PICALM: variants seen among roughly 807,000 people sequenced by gnomAD.
PICALM encodes phosphatidylinositol-binding clathrin assembly protein.
A neutral mutation model predicts 80.5 loss-of-function variants in PICALM; 40 were observed. The ratio of observed to expected loss-of-function variants is 0.50; its 90% CI spans 0.39 to 0.65. The LOEUF is 0.65. PICALM is among the 30% of genes least tolerant of loss of function. PICALM has a pLI of 0.00. For synonymous variants in PICALM, 288 were observed against 260.3 expected (o/e 1.11, Z -1.02); for missense variants, 676 against 778.9 (o/e 0.87, Z 1.57).
At chr11:85,970,410 T>C (rs1253464242) in intron 19 of PICALM, among the ~76,000 whole-genome samples, 1 of 152,238 alleles carries the variant, frequency 6.6e-6, no homozygotes, top group Non-Finnish European at 1.5e-5. Context: ...ATCGAAGAAC[T>C]TGAATATTCC....
intron 11 of PICALM, among the ~76,000 whole-genome samples, chr11:85,998,207 G>C (rs1158758862): frequency 3.3e-5 from 5 of 152,090 alleles, no homozygotes; most frequent in Admixed American, 6.5e-5. Context: ...CGCCTCCCGG[G>C]TTCATGCCAT....
intron 11 of PICALM, among the ~76,000 whole-genome samples, chr11:85,997,743 T>C (rs1250223514): frequency 6.6e-6 from 1 of 152,224 alleles, no homozygotes; most frequent in Non-Finnish European, 1.5e-5. Flanking sequence ...AGTGCTGGGA[T>C]TACAGGCGTG....
chr11:86,018,910 G>A (rs994390231), intron 4 of PICALM, among the ~76,000 whole-genome samples: 3 of 111,126 alleles, frequency 2.7e-5, no homozygotes, highest in Non-Finnish European at 5.8e-5. Flanking sequence ...AGAAAAAAAT[G>A]AGATGGATCT....
In PICALM at chr11:85,974,761, T is replaced by C. The variant is rs184881263; in HGVS notation, c.1891A>G (p.Ser631Gly). The C allele has an allele frequency of 3.3e-5, 53 of 1,613,984 alleles. No individual in the cohort carries two copies. Among genetic ancestry groups the C allele is most frequent in the Non-Finnish European group, 4.3e-5 (51 of 1,179,886 alleles). ...PVMTQPTLIY[S>G]QPVMRPPNPF... ...TTTGGAGGTCTCATGACAGGCTGGCTGTATATTAAGGTTGGTTGCGTCATT... is the reference window on the plus strand; with the variant it reads ...TTTGGAGGTCTCATGACAGGCTGGCCGTATATTAAGGTTGGTTGCGTCATT... The change falls in exon 19 of 20, where the codon AGC becomes GGC. Residue 631 changes from serine (S) to glycine (G), a missense_variant. Physicochemically the swap from Ser to Gly is moderately conservative, Grantham distance 56. This residue lies in a region of PICALM where 391 missense variants were observed against 383.6 expected (regional missense o/e 1.02). Coordinates refer to ENST00000393346, the MANE Select transcript of PICALM (RefSeq NM_007166.4).
At chr11:86,055,156 C>T (rs2096250286) in intron 1 of PICALM, among the ~76,000 whole-genome samples, 1 of 151,578 alleles carries the variant, frequency 6.6e-6, no homozygotes, top group Non-Finnish European at 1.5e-5. Context: ...CATGGTGAAA[C>T]CCCCGTCTCT....
chr11:86,028,658 G>A (rs954522273), intron 2 of PICALM, among the ~76,000 whole-genome samples: 1 of 151,962 alleles, frequency 6.6e-6, no homozygotes, highest in Admixed American at 6.6e-5. Context: ...GTTGGTAAGT[G>A]AACAACAGTA....
intron 1 of PICALM, among the ~76,000 whole-genome samples, chr11:86,049,151 G>A (rs2096131628): frequency 6.6e-6 from 1 of 152,034 alleles, no homozygotes; most frequent in South Asian, 2.1e-4. Context: ...AAATTAGTCA[G>A]GCACGGTGGG....
At chr11:86,056,511 C>G (rs1412793026) in intron 1 of PICALM, among the ~76,000 whole-genome samples, 1 of 151,680 alleles carries the variant, frequency 6.6e-6, no homozygotes, top group Non-Finnish European at 1.5e-5. Context: ...AAACTAAAAT[C>G]CTGAAAATAA....
intron 1 of PICALM, among the ~76,000 whole-genome samples, chr11:86,061,227 G>A (rs1438415534): frequency 6.6e-6 from 1 of 150,380 alleles, no homozygotes; most frequent in Non-Finnish European, 1.5e-5. Context: ...TACTTGCGAG[G>A]CTGAGGCAGA....
Position 85,957,185 on chromosome 11 carries a change from A to C in PICALM, c.*1861T>G, listed in dbSNP as rs1023225685. ...AGTACAACTTCCCAGTTTATATGAAAATGGTTTAATAATACTGAAACTTAA... is the reference window on the plus strand; with the variant it reads ...AGTACAACTTCCCAGTTTATATGAACATGGTTTAATAATACTGAAACTTAA... On this transcript the variant is annotated 3_prime_UTR_variant, in exon 20 of 20. Transcript: ENST00000393346. 2.0e-5 allele frequency among the ~76,000 whole-genome samples: 3 copies of C among 152,206 alleles called. No individual in the cohort carries two copies. Among genetic ancestry groups the C allele is most frequent in the African/African-American group, 7.2e-5 (3 of 41,456 alleles).
At chr11:86,003,632 C>G (rs1056830893) in intron 8 of PICALM, 181 bp from the exon 9 acceptor site, 1 of 398,750 alleles carries the variant, frequency 2.5e-6, no homozygotes, top group Admixed American at 4.3e-5. Context: ...CAAACGTGAC[C>G]TAGTTGGAGA....
intron 1 of PICALM, among the ~76,000 whole-genome samples, chr11:86,061,516 A>G (rs940725195): frequency 2.0e-5 from 3 of 152,134 alleles, no homozygotes; most frequent in Non-Finnish European, 2.9e-5. Context: ...GCATATGAAA[A>G]AAAGTCACAT....
At chr11:85,980,178 C>A (rs1052067085) in intron 17 of PICALM, among the ~76,000 whole-genome samples, 7 of 152,170 alleles carry the variant, frequency 4.6e-5, no homozygotes, top group Non-Finnish European at 7.3e-5. Context: ...TACAGTTCAC[C>A]TCCAGCTGAG....
At position 85,973,473 on chromosome 11, in the gene PICALM, A is replaced by G. The variant is rs1366999104; in HGVS notation, c.1944+1235T>C. On this transcript the variant is annotated intron_variant, in intron 19 of 19. Coordinates refer to ENST00000393346, the MANE Select transcript of PICALM (RefSeq NM_007166.4). Reference sequence around the variant, plus strand: ...TCCGTGAGCAAGAGCACACATTAACAAAACTTTTATTACAGTACACTGTTA... The same window carrying G: ...TCCGTGAGCAAGAGCACACATTAACGAAACTTTTATTACAGTACACTGTTA... 4.6e-5 allele frequency among the ~76,000 whole-genome samples: 7 copies of G among 152,332 alleles called. 1 individual carries two copies. Among genetic ancestry groups the G allele is most frequent in the South Asian group, 4.1e-4 (2 of 4,828 alleles).
intron 19 of PICALM, among the ~76,000 whole-genome samples, chr11:85,965,623 T>TA (rs2093850198): frequency 6.6e-6 from 1 of 152,260 alleles, no homozygotes; most frequent in African/African-American, 2.4e-5. Flanking sequence ...GAGATAGTGC[T>TA]AAAAGACAGG....
chr11:85,990,245 T>C lies in PICALM; in HGVS notation c.1408+5A>G. ...ATTGGAAAAAAAGGTTAAATGGTAC[T>C]TTACCAACAAACATTTCATGAGTAG... On this transcript the variant is annotated splice_donor_5th_base_variant and intron_variant, in intron 13 of 19. Transcript: ENST00000393346. 2.5e-6 allele frequency: 4 copies of C among 1,573,622 alleles called. No homozygotes were observed. Among genetic ancestry groups the C allele is most frequent in the African/African-American group, 2.7e-5 (2 of 74,398 alleles).
intron 19 of PICALM, among the ~76,000 whole-genome samples, chr11:85,965,699 T>A (rs549744362): frequency 1.3e-5 from 2 of 152,306 alleles, no homozygotes; most frequent in East Asian, 3.9e-4. Flanking sequence ...AAATAATTGC[T>A]TCTTGTGTTT....
At chr11:86,042,277 AT>A (rs1482890907) in intron 1 of PICALM, among the ~76,000 whole-genome samples, 1 of 151,988 alleles carries the variant, frequency 6.6e-6, no homozygotes, top group African/African-American at 2.4e-5. Flanking sequence ...GGAAAATCAT[AT>A]TTTGGTAAGC....
At chr11:85,959,906 G>A (rs2135248480) in intron 19 of PICALM, among the ~76,000 whole-genome samples, 1 of 152,162 alleles carries the variant, frequency 6.6e-6, no homozygotes, top group Middle Eastern at 3.4e-3. Context: ...AAAAATAGAG[G>A]AATAGCATGT....
Sources: gnomAD v4.1 joint callset for allele counts (sites outside exome capture counted in the v4.1 genomes callset) on GRCh38, gnomAD v4.1.1 for gene constraint, gnomAD v4.1.1 regional missense constraint, MANE v1.5 for transcripts, NCBI Gene and HGNC (gene_info 2026-07-23, HGNC 2026-07-21) for gene names.